Variants in SUPT3H observed in about 807,000 individuals in gnomAD.
SUPT3H encodes SPT3 homolog, SAGA and STAGA complex component.
A neutral mutation model predicts 44.3 loss-of-function variants in SUPT3H; 44 were observed. The ratio of observed to expected loss-of-function variants is 0.99; its 90% CI spans 0.78 to 1.28. SUPT3H has a LOEUF of 1.28. Ranked by LOEUF, SUPT3H falls within the 50% of genes most tolerant of loss-of-function variation. SUPT3H has a pLI of 0.00. For missense variants in SUPT3H, 380 were observed against 387.1 expected (o/e 0.98, Z 0.15); for synonymous variants, 124 against 125.6 (o/e 0.99, Z 0.09).
chr6:44,886,560 C>A (rs1408521950), intron 10 of SUPT3H, among the ~76,000 whole-genome samples: 1 of 152,090 alleles, frequency 6.6e-6, no homozygotes. Context: ...TACAGACAAG[C>A]AAATGCTGAG....
At chr6:45,059,079 T>G (rs991170391) in intron 3 of SUPT3H, among the ~76,000 whole-genome samples, 3 of 152,124 alleles carry the variant, frequency 2.0e-5, no homozygotes, top group African/African-American at 7.2e-5. Flanking sequence ...CTTTCCTTCA[T>G]AGTATTTTCT....
Position 45,147,571 on chromosome 6 carries a change from G to T in SUPT3H, c.102-41565C>A, listed in dbSNP as rs150650759. On this transcript the variant is annotated intron_variant, in intron 2 of 10. Transcript: ENST00000371459. ...AGATATATATAAAGGAAGGGTATAA[G>T]GGACCTGACCAGACAAATATGATCC... 3.4e-4 allele frequency among the ~76,000 whole-genome samples: 51 copies of T among 152,018 alleles called. No homozygotes were observed. The Middle Eastern group carries it at 0.01, about 30-fold the overall frequency.
intron 2 of SUPT3H, among the ~76,000 whole-genome samples, chr6:45,217,734 A>G (rs1765321915): frequency 6.6e-6 from 1 of 152,036 alleles, no homozygotes; most frequent in Admixed American, 6.6e-5. Flanking sequence ...CTACAAAAAT[A>G]CAAAAATTAG....
chr6:44,829,904 A>G, intron 10 of SUPT3H, 47 bp from the exon 11 acceptor site: 1 of 1,597,286 alleles, frequency 6.3e-7, no homozygotes, highest in Non-Finnish European at 8.6e-7. Context: ...ATGAAGTCAA[A>G]CAAGGAAAGG....
chr6:45,029,515 C>G (rs1180173106), intron 3 of SUPT3H, among the ~76,000 whole-genome samples: 1 of 151,782 alleles, frequency 6.6e-6, no homozygotes. Flanking sequence ...TAACATGGAA[C>G]TAATTCTGTG....
At chr6:45,209,477 G>A (rs1449922694) in intron 2 of SUPT3H, among the ~76,000 whole-genome samples, 1 of 152,196 alleles carries the variant, frequency 6.6e-6, no homozygotes, top group African/African-American at 2.4e-5. Context: ...ATTCAGAGCA[G>A]GAAGTAACTG....
At chr6:44,978,999 T>C (rs1424183321) in intron 6 of SUPT3H, among the ~76,000 whole-genome samples, 1 of 152,238 alleles carries the variant, frequency 6.6e-6, no homozygotes, top group African/African-American at 2.4e-5. Context: ...TAATATTCTT[T>C]TCTATTGGTG....
chr6:45,096,959 GA>G (rs1014092416), intron 3 of SUPT3H, among the ~76,000 whole-genome samples: 1 of 152,132 alleles, frequency 6.6e-6, no homozygotes, highest in Non-Finnish European at 1.5e-5. Flanking sequence ...TTGAGGAGCT[GA>G]AAGGACTGAC....
At chr6:45,316,362 CA>C (rs1310682967) in intron 2 of SUPT3H, among the ~76,000 whole-genome samples, 8 of 151,350 alleles carry the variant, frequency 5.3e-5, no homozygotes, top group East Asian at 1.9e-4. Flanking sequence ...AAAAATGAAT[CA>C]GGGGGATGTC....
chr6:45,048,469 T>C (rs1429674958), intron 3 of SUPT3H, among the ~76,000 whole-genome samples: 1 of 152,228 alleles, frequency 6.6e-6, no homozygotes. Flanking sequence ...TTTCATTCTT[T>C]TATATGTGAA....
chr6:45,155,093 A>G (rs1807601542), intron 2 of SUPT3H, among the ~76,000 whole-genome samples: 1 of 152,192 alleles, frequency 6.6e-6, no homozygotes, highest in African/African-American at 2.4e-5. Context: ...TACTGGGCTC[A>G]TTAGAATGTG....
intron 2 of SUPT3H, among the ~76,000 whole-genome samples, chr6:45,247,023 C>A (rs1771485120): frequency 6.6e-6 from 1 of 152,022 alleles, no homozygotes. Context: ...AAAGTAGAAA[C>A]TTTAAAATTG....
chr6:45,079,499 A>T (rs887098765), intron 3 of SUPT3H, among the ~76,000 whole-genome samples: 26 of 151,886 alleles, frequency 1.7e-4, no homozygotes, highest in African/African-American at 6.1e-4. Context: ...GAAGAAAAAA[A>T]GGAAGGAAGG....
intron 2 of SUPT3H, among the ~76,000 whole-genome samples, chr6:45,302,226 C>A (rs1454455568): frequency 3.3e-5 from 5 of 151,814 alleles, no homozygotes; most frequent in Middle Eastern, 3.4e-3. Context: ...TACACTGAAC[C>A]CAATTTGTAG....
intron 2 of SUPT3H, among the ~76,000 whole-genome samples, chr6:45,247,964 T>C (rs562452522): frequency 1.5e-4 from 23 of 152,236 alleles, no homozygotes; most frequent in South Asian, 1.2e-3. Flanking sequence ...AAGTAATTCA[T>C]TGGAGAAATG....
rs141687550 is a variant in SUPT3H at position 45,033,144 on chromosome 6, A to G, written c.187-12512T>C. On this transcript the variant is annotated intron_variant, in intron 3 of 10. Transcript: ENST00000371459. Reference sequence around the variant, plus strand: ...TGTTAAGAAGAACAAGTAAGGGGAAAAAAACAGAGAAAAGATAATGTCTGA... The same window carrying G: ...TGTTAAGAAGAACAAGTAAGGGGAAGAAAACAGAGAAAAGATAATGTCTGA... 2.7e-3 allele frequency among the ~76,000 whole-genome samples: 408 copies of G among 152,302 alleles called. 4 individuals carry two copies. Among genetic ancestry groups the G allele is most frequent in the Middle Eastern group, 0.017 (5 of 294 alleles).
chr6:44,929,446 G>C (rs1287812905), intron 10 of SUPT3H, among the ~76,000 whole-genome samples: 1 of 152,046 alleles, frequency 6.6e-6, no homozygotes, highest in Non-Finnish European at 1.5e-5. Context: ...AAAAACTCTA[G>C]ATTTGGGATG....
rs140292645 is a variant in SUPT3H, at chr6:45,029,343, G to GTATATATA, written c.187-8719_187-8712dup. Among the ~76,000 whole-genome samples, 160 of 146,376 alleles carry GTATATATA rather than the reference G, an allele frequency of 1.1e-3. 2 individuals are homozygous for GTATATATA. In the South Asian group the frequency reaches 0.014, roughly 13 times the overall value. ...GTGTATATATGACATATTTGTATGT[G>GTATATATA]TATATATATATATATATACATATTC... On this transcript the variant is annotated intron_variant, in intron 3 of 10. Transcript: ENST00000371459.
At chr6:45,358,031 C>T (rs935012953) in intron 2 of SUPT3H, among the ~76,000 whole-genome samples, 1 of 151,598 alleles carries the variant, frequency 6.6e-6, no homozygotes. Flanking sequence ...GCCAAAGTAG[C>T]CAAAAATTAA....
Sources: gnomAD v4.1 joint callset for allele counts (sites outside exome capture counted in the v4.1 genomes callset) on GRCh38, gnomAD v4.1.1 for gene constraint, MANE v1.5 for transcripts, NCBI Gene and HGNC (gene_info 2026-07-23, HGNC 2026-07-21) for gene names.